Variants in NELL1 observed in about 807,000 individuals in gnomAD.
NELL1 encodes the protein neural EGFL like 1, also known as protein kinase C-binding protein NELL1.
In NELL1, 76 loss-of-function variants were observed where a neutral mutation model predicts 107.4. The ratio of observed to expected loss-of-function variants is 0.71; its 90% CI spans 0.59 to 0.86. The LOEUF (loss-of-function observed/expected upper bound fraction) is 0.86. Ranked by LOEUF, NELL1 falls within the 40% of genes least tolerant of loss-of-function variation. NELL1 has a pLI of 0.00. For missense variants in NELL1, 1,024 were observed against 1,005.5 expected (o/e 1.02, Z -0.25); for synonymous variants, 353 against 341.2 (o/e 1.03, Z -0.38).
At position 20,971,914 on chromosome 11, in the gene NELL1, C is replaced by T. The variant is rs4923210; in HGVS notation, c.1300+11354C>T. Among the ~76,000 whole-genome samples, 344 of 152,028 alleles carry T rather than the reference C, an allele frequency of 2.3e-3. 2 individuals are homozygous for T. The East Asian group carries it at 0.03, about 13-fold the overall frequency. On this transcript the variant is annotated intron_variant, in intron 12 of 19. Coordinates refer to ENST00000357134, the MANE Select transcript of NELL1 (RefSeq NM_006157.5). ...GCTGGAAGCCATCATCCTCAACAAA[C>T]TAACACAGGAACAGAAAACCAAACA...
At chr11:21,505,928 A>G (rs1045317418) in intron 15 of NELL1, among the ~76,000 whole-genome samples, 1 of 152,170 alleles carries the variant, frequency 6.6e-6, no homozygotes, top group African/African-American at 2.4e-5. Flanking sequence ...AATGAATGGA[A>G]GTTGGAATTC....
intron 12 of NELL1, among the ~76,000 whole-genome samples, chr11:20,960,923 G>C (rs544041519): frequency 4.5e-4 from 69 of 152,066 alleles, no homozygotes; most frequent in Admixed American, 4.2e-3. Context: ...AAATGTACAG[G>C]GTGGTTTCTG....
At chr11:21,407,735 C>T (rs1457977814) in intron 15 of NELL1, among the ~76,000 whole-genome samples, 2 of 150,428 alleles carry the variant, frequency 1.3e-5, no homozygotes, top group Non-Finnish European at 3.0e-5. Flanking sequence ...CTCTCACCCA[C>T]TTCCCTTGCC....
intron 15 of NELL1, among the ~76,000 whole-genome samples, chr11:21,477,201 C>A (rs551231456): frequency 6.6e-6 from 1 of 152,136 alleles, no homozygotes; most frequent in African/African-American, 2.4e-5. Flanking sequence ...GACTCTTTGC[C>A]TTTGCTTGAG....
chr11:20,918,121 T>C (rs112910003), intron 5 of NELL1, 61 bp from the exon 6 acceptor site: 1 of 886,808 alleles, frequency 1.1e-6, no homozygotes, highest in Non-Finnish European at 1.9e-6. Context: ...TGTGATTGCA[T>C]AGGGGACATT....
At chr11:21,254,986 T>A (rs1009384942) in intron 14 of NELL1, among the ~76,000 whole-genome samples, 5 of 152,060 alleles carry the variant, frequency 3.3e-5, no homozygotes, top group African/African-American at 4.8e-5. Flanking sequence ...GGAATGGTAA[T>A]GATCTGAAAT....
intron 3 of NELL1, among the ~76,000 whole-genome samples, chr11:20,813,128 T>C (rs1020883722): frequency 6.6e-6 from 1 of 151,928 alleles, no homozygotes; most frequent in Non-Finnish European, 1.5e-5. Context: ...GAGCTTATTT[T>C]TGAAGCTTCA....
chr11:21,003,202 T>C (rs1376170055), intron 12 of NELL1, among the ~76,000 whole-genome samples: 1 of 152,150 alleles, frequency 6.6e-6, no homozygotes, highest in Non-Finnish European at 1.5e-5. Flanking sequence ...GCTCAGTCTT[T>C]AGCTTTTCCT....
At chr11:20,989,265 T>C (rs757488935) in intron 12 of NELL1, among the ~76,000 whole-genome samples, 6 of 152,220 alleles carry the variant, frequency 3.9e-5, no homozygotes, top group Non-Finnish European at 8.8e-5. Flanking sequence ...TAGGGGCTTC[T>C]ATCCCAGCAG....
chr11:20,838,735 T>G (rs532107309), intron 3 of NELL1, among the ~76,000 whole-genome samples: 1 of 152,270 alleles, frequency 6.6e-6, no homozygotes, highest in East Asian at 1.9e-4. Context: ...TATTTCTTCT[T>G]TAAGCATTTT....
intron 15 of NELL1, among the ~76,000 whole-genome samples, chr11:21,465,503 A>G (rs1854006562): frequency 6.6e-6 from 1 of 152,094 alleles, no homozygotes; most frequent in South Asian, 2.1e-4. Context: ...TCCAGAATTT[A>G]CTATAGCATT....
chr11:21,224,393 A>ATTTT (rs36044630), intron 13 of NELL1, among the ~76,000 whole-genome samples: 5 of 144,182 alleles, frequency 3.5e-5, no homozygotes, highest in African/African-American at 1.0e-4. Flanking sequence ...CCATACCCAG[A>ATTTT]TTTTTTTTTT....
intron 3 of NELL1, among the ~76,000 whole-genome samples, chr11:20,843,567 TA>T (rs34785383): frequency 2.0e-5 from 3 of 146,676 alleles, no homozygotes; most frequent in African/African-American, 7.4e-5. Context: ...GTTCTATATA[TA>T]AAATATAATA....
At position 21,495,585 on chromosome 11, in the gene NELL1, C is replaced by G. The variant is rs368425194; in HGVS notation, c.1646-38789C>G. Among the ~76,000 whole-genome samples the G allele has an allele frequency of 1.7e-3, 259 of 152,168 alleles. 1 individual carries two copies. The highest frequency in any genetic ancestry group is 6.0e-3 in the African/African-American group (251 of 41,522). On this transcript the variant is annotated intron_variant, in intron 15 of 19. Coordinates refer to ENST00000357134, the MANE Select transcript of NELL1 (RefSeq NM_006157.5). ...TTTAACTTTCTAAGAAACTACCAAA[C>G]AGTTTTGCACAGTGGCTGCATAATT...
chr11:20,740,673 GA>G (rs1460486159), intron 2 of NELL1, among the ~76,000 whole-genome samples: 1 of 152,186 alleles, frequency 6.6e-6, no homozygotes, highest in Admixed American at 6.5e-5. Context: ...TTGTCATGAT[GA>G]TGACAGGAAT....
At chr11:21,455,880 T>C (rs574678005) in intron 15 of NELL1, among the ~76,000 whole-genome samples, 117 of 151,930 alleles carry the variant, frequency 7.7e-4, no homozygotes, top group Non-Finnish European at 1.1e-3. Context: ...CTTTTCTTTT[T>C]TTTTTTTTAA....
At chr11:21,104,862 C>T (rs1359627815) in intron 12 of NELL1, among the ~76,000 whole-genome samples, 1 of 152,198 alleles carries the variant, frequency 6.6e-6, no homozygotes, top group African/African-American at 2.4e-5. Flanking sequence ...CCAGCATGGT[C>T]AGGGTCTCAT....
intron 14 of NELL1, among the ~76,000 whole-genome samples, chr11:21,299,728 T>C (rs1208776692): frequency 6.6e-6 from 1 of 151,958 alleles, no homozygotes; most frequent in Non-Finnish European, 1.5e-5. Flanking sequence ...AACTTTGACA[T>C]CTGAAAGCAA....
intron 15 of NELL1, among the ~76,000 whole-genome samples, chr11:21,482,719 A>G (rs558219306): frequency 6.6e-5 from 10 of 151,586 alleles, no homozygotes; most frequent in African/African-American, 2.4e-4. Context: ...GCCCTCAATC[A>G]TGGCCGTATA....
Sources: allele counts gnomAD v4.1 joint callset (sites outside exome capture counted in the v4.1 genomes callset), GRCh38; gene constraint gnomAD v4.1.1; transcripts MANE v1.5; gene names NCBI Gene and HGNC (gene_info 2026-07-23, HGNC 2026-07-21).